RNASEH2B: variants seen among roughly 807,000 people sequenced by gnomAD.
The protein encoded by RNASEH2B is Aicardi-Goutieres syndrome 2 protein.
In RNASEH2B, 36 loss-of-function variants were observed where a neutral mutation model predicts 45.0. The observed-to-expected ratio is 0.80, with a 90% CI of 0.61 to 1.06. The LOEUF (loss-of-function observed/expected upper bound fraction) is 1.06, where lower values mean the gene tolerates loss of function less well. RNASEH2B is among the 50% of genes least tolerant of loss of function. RNASEH2B has a pLI of 0.00. For missense variants in RNASEH2B, 361 were observed against 360.3 expected, an observed-to-expected ratio of 1.00 and a Z score of -0.02; for synonymous variants, 119 against 125.7, an observed-to-expected ratio of 0.95 and a Z score of 0.35.
chr13:50,920,720 G>A (rs1951513543), intron 1 of RNASEH2B, among the ~76,000 whole-genome samples: 1 of 152,214 alleles, frequency 6.6e-6, no homozygotes, highest in African/African-American at 2.4e-5. Flanking sequence ...TGTCTCACAT[G>A]AGTCAATTTT....
intron 6 of RNASEH2B, among the ~76,000 whole-genome samples, chr13:50,944,394 T>C (rs1951872674): frequency 1.3e-5 from 2 of 151,890 alleles, no homozygotes; most frequent in Admixed American, 1.3e-4. Context: ...TAAGTGGGAG[T>C]TGAACAGTAA....
intron 1 of RNASEH2B, among the ~76,000 whole-genome samples, chr13:50,922,305 C>T (rs1951534923): frequency 6.6e-6 from 1 of 152,168 alleles, no homozygotes. Context: ...TTGACATATT[C>T]CTAGAGGATT....
At chr13:50,913,876 T>A (rs949280262) in intron 1 of RNASEH2B, among the ~76,000 whole-genome samples, 1 of 152,200 alleles carries the variant, frequency 6.6e-6, no homozygotes, top group Non-Finnish European at 1.5e-5. Flanking sequence ...GAGCTATCTT[T>A]CCAATTGGAA....
intron 9 of RNASEH2B, among the ~76,000 whole-genome samples, chr13:50,963,921 G>T (rs555460523): frequency 3.0e-4 from 46 of 152,320 alleles, no homozygotes; most frequent in African/African-American, 1.0e-3. Context: ...GTCCCGGCCG[G>T]GTGCGTTGGC....
chr13:50,943,642 G>T (rs369249082), intron 6 of RNASEH2B, among the ~76,000 whole-genome samples: 1 of 152,114 alleles, frequency 6.6e-6, no homozygotes, highest in Non-Finnish European at 1.5e-5. Flanking sequence ...CTCCTACTAC[G>T]GAATGAAATA....
At chr13:50,910,209 G>T (rs1209043396) in intron 1 of RNASEH2B, 69 bp downstream of exon 1, 2 of 1,171,582 alleles carry the variant, frequency 1.7e-6, no homozygotes, top group Non-Finnish European at 2.2e-6. Flanking sequence ...CCCCGGGCGC[G>T]CCGCCCCCCA....
At chr13:50,917,020 A>C (rs996687678) in intron 1 of RNASEH2B, among the ~76,000 whole-genome samples, 1 of 152,144 alleles carries the variant, frequency 6.6e-6, no homozygotes, top group Non-Finnish European at 1.5e-5. Context: ...CAAGCTGCAG[A>C]TCCCCCCAGT....
chr13:50,922,883 C>T (rs1593451995), intron 1 of RNASEH2B, among the ~76,000 whole-genome samples: 2 of 152,164 alleles, frequency 1.3e-5, no homozygotes, highest in East Asian at 1.9e-4. Flanking sequence ...AGATTTTATT[C>T]AGCTACTATC....
At chr13:50,919,214 T>C (rs760753236) in intron 1 of RNASEH2B, among the ~76,000 whole-genome samples, 6 of 152,262 alleles carry the variant, frequency 3.9e-5, no homozygotes, top group African/African-American at 1.2e-4. Flanking sequence ...AAAAACCTGC[T>C]GATAAATAAC....
In RNASEH2B at chr13:50,909,803, G is replaced by A; in HGVS notation, c.-274G>A. On this transcript the variant is annotated 5_prime_UTR_variant, in exon 1 of 11. Coordinates refer to ENST00000336617, the MANE Select transcript of RNASEH2B (RefSeq NM_024570.4). ...ATGAGCACCTACCACTAGCGGAGCC[G>A]CGAGGGAGAGGCCGCGGCCCCTTCC... The A allele has an allele frequency of 5.5e-6, 2 of 365,636 alleles. No individual in the cohort carries two copies. The highest frequency in any genetic ancestry group is 9.6e-5 in the South Asian group (2 of 20,786). The allele number at this position is 365,636 out of a possible 1,614,324, so 22.6% of individuals were successfully genotyped here.
At chr13:50,945,701 T>G (rs1951892692) in intron 7 of RNASEH2B, among the ~76,000 whole-genome samples, 169 bp downstream of exon 7, 1 of 152,226 alleles carries the variant, frequency 6.6e-6, no homozygotes. Context: ...CGAAGAATAT[T>G]TCTACCATAG....
At chr13:50,957,613 A>G (rs1408120485), downstream of RNASEH2B, among the ~76,000 whole-genome samples, 2 of 152,186 alleles carry the variant, frequency 1.3e-5, no homozygotes, top group Non-Finnish European at 2.9e-5. Flanking sequence ...TTGAGTACAT[A>G]GCCAATAGTG....
At chr13:50,948,208 TG>T (rs36059646) in intron 8 of RNASEH2B, 140 bp downstream of exon 8, 1 of 1,377,856 alleles carries the variant, frequency 7.3e-7, no homozygotes, top group Non-Finnish European at 9.7e-7. Flanking sequence ...CTTTGTGCTT[TG>T]GGGATGATTT....
intron 6 of RNASEH2B, among the ~76,000 whole-genome samples, chr13:50,944,853 T>G (rs1951881612): frequency 6.6e-6 from 1 of 152,166 alleles, no homozygotes; most frequent in South Asian, 2.1e-4. Flanking sequence ...AGCAGAATCC[T>G]TGATGTTTAC....
At chr13:50,944,199 C>A (rs1470824576) in intron 6 of RNASEH2B, among the ~76,000 whole-genome samples, 1 of 151,862 alleles carries the variant, frequency 6.6e-6, no homozygotes, top group African/African-American at 2.4e-5. Flanking sequence ...AAAAAAAAAA[C>A]TTTGAAAGCC....
chr13:50,939,928 TCTC>T (rs1951813448), intron 5 of RNASEH2B, among the ~76,000 whole-genome samples: 1 of 152,204 alleles, frequency 6.6e-6, no homozygotes, highest in Non-Finnish European at 1.5e-5. Flanking sequence ...TCAAAAGTAT[TCTC>T]TTTTGTTTTT....
intron 9 of RNASEH2B, among the ~76,000 whole-genome samples, chr13:50,963,244 A>G (rs1593485771): frequency 6.6e-6 from 1 of 152,010 alleles, no homozygotes; most frequent in East Asian, 1.9e-4. Context: ...AGCTCGCTGC[A>G]ACTTCCGCCT....
chr13:50,943,868 A>G (rs1951863666), intron 6 of RNASEH2B, among the ~76,000 whole-genome samples: 2 of 151,960 alleles, frequency 1.3e-5, no homozygotes, highest in African/African-American at 4.8e-5. Context: ...TTACAGGCAA[A>G]CCCTGTATCT....
downstream of RNASEH2B, among the ~76,000 whole-genome samples, chr13:50,958,935 A>G (rs1952082680): frequency 6.6e-6 from 1 of 152,192 alleles, no homozygotes; most frequent in South Asian, 2.1e-4. Flanking sequence ...AAAGTTTATA[A>G]GCTTTTGCAC....
Sources: gnomAD v4.1 joint callset for allele counts (sites outside exome capture counted in the v4.1 genomes callset) on GRCh38, gnomAD v4.1.1 for gene constraint, MANE v1.5 for transcripts, NCBI Gene and HGNC (gene_info 2026-07-23, HGNC 2026-07-21) for gene names.